The following HPSE2 variants were observed in gnomAD, a reference collection of about 807,000 sequenced individuals.
The protein encoded by HPSE2 is heparanase 2 (inactive).
HPSE2 carries 38 observed loss-of-function variants against 60.5 expected under a neutral mutation model. That is an observed-to-expected ratio of 0.63 (90% CI 0.48 to 0.82). HPSE2 has a LOEUF of 0.82. HPSE2 is among the 40% of genes least tolerant of loss of function. The pLI, the probability that HPSE2 is intolerant of heterozygous loss-of-function variation, is 0.00. For missense variants in HPSE2, 713 were observed against 740.4 expected (o/e 0.96, Z 0.43); for synonymous variants, 295 against 293.2 (o/e 1.01, Z -0.06).
intron 6 of HPSE2, among the ~76,000 whole-genome samples, chr10:98,678,552 G>A (rs2134130437): frequency 6.6e-6 from 1 of 152,198 alleles, no homozygotes; most frequent in Non-Finnish European, 1.5e-5. Flanking sequence ...GGGTTATTGT[G>A]CTGAGTCAGG....
At chr10:98,808,677 T>C (rs970469233) in intron 3 of HPSE2, among the ~76,000 whole-genome samples, 1 of 152,162 alleles carries the variant, frequency 6.6e-6, no homozygotes, top group Non-Finnish European at 1.5e-5. Flanking sequence ...TGATAATCTT[T>C]AAAGAAATCA....
rs147722760 is a variant in HPSE2, at chr10:98,743,204, C to A, written c.784+679G>T. Among the ~76,000 whole-genome samples the A allele has an allele frequency of 6.0e-3, 911 of 151,980 alleles. 21 individuals carry two copies. The highest frequency in any genetic ancestry group is 0.044 in the Admixed American group (669 of 15,260). ...GCCAGGCTGGTATCAAATTCCTGAC[C>A]TCGTGATCCGCCTACCTAGGCCTCC... On this transcript the variant is annotated intron_variant, in intron 4 of 11. Coordinates refer to ENST00000370552, the MANE Select transcript of HPSE2 (RefSeq NM_021828.5).
intron 1 of HPSE2, among the ~76,000 whole-genome samples, chr10:99,233,268 C>T (rs1260526140): frequency 6.6e-6 from 1 of 152,104 alleles, no homozygotes; most frequent in African/African-American, 2.4e-5. Flanking sequence ...GAAATAATTC[C>T]GCCTGATCTC....
chr10:98,741,510 T>C (rs1439524794), intron 4 of HPSE2, among the ~76,000 whole-genome samples: 2 of 152,012 alleles, frequency 1.3e-5, no homozygotes, highest in African/African-American at 4.8e-5. Flanking sequence ...TACAGAAAGA[T>C]GTATATATTC....
At chr10:98,900,493 A>T (rs1383935935) in intron 3 of HPSE2, among the ~76,000 whole-genome samples, 2 of 152,162 alleles carry the variant, frequency 1.3e-5, no homozygotes, top group African/African-American at 4.8e-5. Context: ...GTTCATACAA[A>T]TGTATGAACA....
intron 6 of HPSE2, among the ~76,000 whole-genome samples, chr10:98,678,773 A>G (rs1375113102): frequency 2.0e-5 from 3 of 152,058 alleles, no homozygotes; most frequent in Non-Finnish European, 2.9e-5. Flanking sequence ...TTAATTTCAT[A>G]TTTTTTGGAG....
intron 9 of HPSE2, among the ~76,000 whole-genome samples, chr10:98,551,689 T>C (rs1274683415): frequency 1.3e-5 from 2 of 152,228 alleles, no homozygotes; most frequent in Non-Finnish European, 2.9e-5. Context: ...CTTTCTTGGT[T>C]GCCTAGCTTT....
intron 5 of HPSE2, among the ~76,000 whole-genome samples, chr10:98,720,553 T>A (rs993854776): frequency 1.3e-5 from 2 of 152,090 alleles, no homozygotes; most frequent in African/African-American, 4.8e-5. Flanking sequence ...CTGAAAAAAA[T>A]TTGGCAACAA....
At chr10:98,976,871 G>A (rs563817745) in intron 3 of HPSE2, among the ~76,000 whole-genome samples, 1 of 152,198 alleles carries the variant, frequency 6.6e-6, no homozygotes, top group African/African-American at 2.4e-5. Flanking sequence ...ATATGAGCAG[G>A]CCTTCAATCC....
chr10:99,042,154 C>A (rs1957753695), intron 3 of HPSE2, among the ~76,000 whole-genome samples: 1 of 151,988 alleles, frequency 6.6e-6, no homozygotes, highest in Non-Finnish European at 1.5e-5. Context: ...GGTCCCTGCC[C>A]TTCCTCCCAA....
chr10:98,619,379 A>T (rs1169027386), intron 8 of HPSE2, among the ~76,000 whole-genome samples: 1 of 152,190 alleles, frequency 6.6e-6, no homozygotes, highest in Admixed American at 6.5e-5. Context: ...CATTCTCCAG[A>T]CGACTGTAGT....
chr10:98,482,779 G>C lies in HPSE2; in HGVS notation c.1470C>G (p.His490Gln). Residue 490 changes from histidine (H) to glutamine (Q), a missense_variant, in exon 11 of 12, where the codon CAC becomes CAG. Physicochemically the swap from His to Gln is conservative, Grantham distance 24. Coordinates refer to ENST00000370552, the MANE Select transcript of HPSE2 (RefSeq NM_021828.5). ...GTGTAATGGACCCACGAACGTAGTT[G>C]TGGCTGAGATCCAGAGAAAGAGAGA... ...IYAHCTNHHN[H>Q]NYVRGSITLF... 1 of 1,614,188 alleles carries C rather than the reference G, an allele frequency of 6.2e-7. No homozygotes were observed.
chr10:98,773,489 G>A (rs2785219), intron 3 of HPSE2, among the ~76,000 whole-genome samples: 129,949 of 152,238 alleles, frequency 0.85, 55,810 homozygotes, highest in African/African-American at 0.93. Context: ...CAATCTGCAT[G>A]TGGAAATTTT....
intron 9 of HPSE2, among the ~76,000 whole-genome samples, chr10:98,593,054 T>C (rs959537363): frequency 6.6e-6 from 1 of 152,234 alleles, no homozygotes; most frequent in African/African-American, 2.4e-5. Flanking sequence ...TCCCAGCCAA[T>C]TTAATAATAC....
the HPSE2 span, among the ~76,000 whole-genome samples, chr10:99,266,292 TG>T: frequency 6.6e-6 from 1 of 152,152 alleles, no homozygotes; most frequent in East Asian, 1.9e-4. Flanking sequence ...GGAAATAAAC[TG>T]GGTGCTGTTG....
chr10:98,761,130 T>G (rs1327848054), intron 3 of HPSE2, among the ~76,000 whole-genome samples: 1 of 152,108 alleles, frequency 6.6e-6, no homozygotes, highest in Non-Finnish European at 1.5e-5. Flanking sequence ...TTATAATCCT[T>G]TGTATTTCTG....
intron 3 of HPSE2, among the ~76,000 whole-genome samples, chr10:98,992,726 T>C (rs183491148): frequency 3.7e-4 from 56 of 152,340 alleles, no homozygotes; most frequent in African/African-American, 1.2e-3. Flanking sequence ...ATAACATCTT[T>C]CTTCCCTACA....
chr10:99,012,156 C>T (rs1957032907), intron 3 of HPSE2, among the ~76,000 whole-genome samples: 1 of 151,928 alleles, frequency 6.6e-6, no homozygotes. Context: ...ACATGTTTCA[C>T]ACAACAGTTT....
chr10:99,275,035 T>C, the HPSE2 span, among the ~76,000 whole-genome samples: 2 of 152,336 alleles, frequency 1.3e-5, no homozygotes, highest in Non-Finnish European at 2.9e-5. Flanking sequence ...ATCTAGCCCT[T>C]CATTTTACAG....
Sources: allele counts gnomAD v4.1 joint callset (sites outside exome capture counted in the v4.1 genomes callset), GRCh38; gene constraint gnomAD v4.1.1; transcripts MANE v1.5; gene names NCBI Gene and HGNC (gene_info 2026-07-23, HGNC 2026-07-21).